Variants in SLC4A10 observed in about 807,000 individuals in gnomAD.
SLC4A10 encodes the protein solute carrier family 4 member 10.
In SLC4A10, 42 loss-of-function variants were observed where a neutral mutation model predicts 137.7. The ratio of observed to expected loss-of-function variants is 0.30; its 90% CI spans 0.24 to 0.39. The LOEUF is 0.39. SLC4A10 is among the 10% of genes least tolerant of loss of function. The pLI is 1.00. For missense variants in SLC4A10, 925 were observed against 1,355.0 expected (o/e 0.68, Z 4.98); for synonymous variants, 474 against 464.1 (o/e 1.02, Z -0.27).
In SLC4A10 at chr2:161,662,333, T is replaced by C. The variant is rs1212849765; in HGVS notation, c.48+37767T>C. ...GGAGTGGCTTACAGTTTCCTTAAAA[T>C]TGTAATTTATTATAATTAGTGTGTA... On this transcript the variant is annotated intron_variant, in intron 1 of 26. Coordinates refer to ENST00000446997, the MANE Select transcript of SLC4A10 (RefSeq NM_001178015.2). Among the ~76,000 whole-genome samples the C allele has an allele frequency of 2.0e-5, 3 of 152,124 alleles. No homozygotes were observed. The East Asian group carries it at 5.8e-4, about 29-fold the overall frequency.
At chr2:161,731,578 G>A (rs943530635) in intron 1 of SLC4A10, among the ~76,000 whole-genome samples, 1 of 152,076 alleles carries the variant, frequency 6.6e-6, no homozygotes, top group Non-Finnish European at 1.5e-5. Context: ...ATGAAAGTAG[G>A]AAAATAATAG....
intron 3 of SLC4A10, among the ~76,000 whole-genome samples, chr2:161,834,892 C>A (rs1184146009): frequency 6.6e-6 from 1 of 152,132 alleles, no homozygotes; most frequent in African/African-American, 2.4e-5. Flanking sequence ...CTGAGAACCC[C>A]AAGGCCAACT....
At chr2:161,879,593 A>C (rs2061639895) in intron 9 of SLC4A10, among the ~76,000 whole-genome samples, 1 of 142,548 alleles carries the variant, frequency 7.0e-6, no homozygotes, top group Non-Finnish European at 1.5e-5. Flanking sequence ...AAGTGGTAAC[A>C]TGTTAGCTTT....
At chr2:161,699,255 C>T (rs796135759) in intron 1 of SLC4A10, among the ~76,000 whole-genome samples, 22 of 152,236 alleles carry the variant, frequency 1.4e-4, no homozygotes, top group East Asian at 1.9e-4. Context: ...CTCCTGACCT[C>T]GTGATCTGTC....
intron 4 of SLC4A10, among the ~76,000 whole-genome samples, chr2:161,840,850 C>T (rs1489441621): frequency 2.6e-5 from 4 of 152,192 alleles, no homozygotes; most frequent in African/African-American, 4.8e-5. Context: ...ATGAGGATGT[C>T]GTGTAAAATG....
At chr2:161,868,593 A>G (rs2060912190) in intron 6 of SLC4A10, among the ~76,000 whole-genome samples, 1 of 151,728 alleles carries the variant, frequency 6.6e-6, no homozygotes, top group Non-Finnish European at 1.5e-5. Context: ...AAAGTAATTC[A>G]AACAGGTGCT....
In SLC4A10 at chr2:161,858,557, A is replaced by G. The variant is rs777534894; in HGVS notation, c.577+3427A>G. Among the ~76,000 whole-genome samples the G allele has an allele frequency of 1.1e-4, 16 of 152,194 alleles. 1 individual carries two copies. Among genetic ancestry groups the G allele is most frequent in the Admixed American group, 2.0e-4 (3 of 15,280 alleles). On this transcript the variant is annotated intron_variant, in intron 5 of 26. Transcript: ENST00000446997. Reference sequence around the variant, plus strand: ...TTTTCAAATCCAAAATTCTCCAGATATATCTTCTTACCACAATTTACTCTG... The same window carrying G: ...TTTTCAAATCCAAAATTCTCCAGATGTATCTTCTTACCACAATTTACTCTG...
At chr2:161,629,398 T>A (rs1286345331) in intron 1 of SLC4A10, among the ~76,000 whole-genome samples, 3 of 151,712 alleles carry the variant, frequency 2.0e-5, no homozygotes, top group Admixed American at 2.0e-4. Context: ...GTATATATAT[T>A]TTAATGGGTC....
intron 4 of SLC4A10, among the ~76,000 whole-genome samples, chr2:161,852,132 G>A (rs1051932921): frequency 1.1e-4 from 16 of 152,166 alleles, no homozygotes; most frequent in African/African-American, 3.4e-4. Context: ...AGAATCAATT[G>A]TATAAACAGG....
intron 15 of SLC4A10, among the ~76,000 whole-genome samples, chr2:161,921,406 G>A (rs1688107038): frequency 6.6e-6 from 1 of 151,900 alleles, no homozygotes; most frequent in Non-Finnish European, 1.5e-5. Flanking sequence ...GAAGAATTAT[G>A]TGACAATAGG....
intron 2 of SLC4A10, among the ~76,000 whole-genome samples, chr2:161,780,593 T>G (rs2052891116): frequency 6.6e-6 from 1 of 152,032 alleles, no homozygotes; most frequent in African/African-American, 2.4e-5. Flanking sequence ...TATGATCCCT[T>G]TTGAAATAAG....
intron 12 of SLC4A10, among the ~76,000 whole-genome samples, chr2:161,903,288 A>T (rs1683535695): frequency 6.6e-6 from 1 of 152,178 alleles, no homozygotes; most frequent in Non-Finnish European, 1.5e-5. Flanking sequence ...TGAATCACAG[A>T]TGCTGGGATA....
rs145858173 is a variant in SLC4A10, at chr2:161,639,028, A to G, written c.48+14462A>G. 1.9e-3 allele frequency among the ~76,000 whole-genome samples: 295 copies of G among 152,248 alleles called. 2 individuals carry two copies. Among genetic ancestry groups the G allele is most frequent in the African/African-American group, 6.8e-3 (281 of 41,578 alleles). ...TATACAACAAAAAATTGGAAAACCTAGAAGAAATGGATAAGTTCCTAGAAA... is the reference window on the plus strand; with the variant it reads ...TATACAACAAAAAATTGGAAAACCTGGAAGAAATGGATAAGTTCCTAGAAA... On this transcript the variant is annotated intron_variant, in intron 1 of 26. Transcript: ENST00000446997.
In SLC4A10 at chr2:161,933,236, TTTCTTTCTTTCTTTC is replaced by T. The variant is rs1422485409; in HGVS notation, c.1998-9543_1998-9529del. Among the ~76,000 whole-genome samples the T allele has an allele frequency of 1.1e-4, 16 of 143,530 alleles. No individual in the cohort carries two copies. In the East Asian group the frequency reaches 1.3e-3, roughly 11 times the overall value. 94.2% of individuals were successfully genotyped at this position (143,530 alleles called of 152,430 possible). On this transcript the variant is annotated intron_variant, in intron 15 of 26. Coordinates refer to ENST00000446997, the MANE Select transcript of SLC4A10 (RefSeq NM_001178015.2). ...CTTTCTTTCTTTCTTTCTTTCTTTC[TTTCTTTCTTTCTTTC>T]TTCTTTCTTTCTCCTTCCTTCCTTT... is the stretch of plus-strand genomic sequence containing the variant.
chr2:161,789,950 T>G (rs965845731), intron 2 of SLC4A10, among the ~76,000 whole-genome samples: 1 of 152,172 alleles, frequency 6.6e-6, no homozygotes, highest in Non-Finnish European at 1.5e-5. Context: ...AATTAATCCT[T>G]GAAGTCACTC....
At chr2:161,819,412 T>C (rs1247650979) in intron 3 of SLC4A10, among the ~76,000 whole-genome samples, 2 of 152,126 alleles carry the variant, frequency 1.3e-5, no homozygotes, top group East Asian at 3.8e-4. Flanking sequence ...AATAAATATA[T>C]TAATTTGTTT....
rs3911104 is a variant in SLC4A10, at chr2:161,813,827, A to G, written c.277+9232A>G. 5.4e-3 allele frequency among the ~76,000 whole-genome samples: 829 copies of G among 152,228 alleles called. 21 individuals are homozygous for G. Among genetic ancestry groups the G allele is most frequent in the East Asian group, 0.034 (176 of 5,178 alleles). Reference sequence around the variant, plus strand: ...GAGGCATTATGCCAGTTTTTCTAGAACAGTGGTTCTCAATAATGACTGCAT... The same window carrying G: ...GAGGCATTATGCCAGTTTTTCTAGAGCAGTGGTTCTCAATAATGACTGCAT... On this transcript the variant is annotated intron_variant, in intron 3 of 26. Coordinates refer to ENST00000446997, the MANE Select transcript of SLC4A10 (RefSeq NM_001178015.2).
At chr2:161,928,227 A>G (rs2105586347) in intron 15 of SLC4A10, among the ~76,000 whole-genome samples, 1 of 150,402 alleles carries the variant, frequency 6.6e-6, no homozygotes. Flanking sequence ...TTGTAGGGAC[A>G]TGGATGAAAT....
chr2:161,790,859 GA>G (rs1014497553), intron 2 of SLC4A10, among the ~76,000 whole-genome samples: 3 of 151,468 alleles, frequency 2.0e-5, no homozygotes, highest in African/African-American at 4.8e-5. Context: ...GCTGACATAG[GA>G]AAAAAAAGCT....
Sources: allele counts gnomAD v4.1 joint callset (sites outside exome capture counted in the v4.1 genomes callset), GRCh38; gene constraint gnomAD v4.1.1; transcripts MANE v1.5; gene names NCBI Gene and HGNC (gene_info 2026-07-23, HGNC 2026-07-21).